PPIL2: variants seen among roughly 807,000 people sequenced by gnomAD.
PPIL2 encodes the protein peptidylprolyl isomerase like 2, also known as RING-type E3 ubiquitin-protein ligase PPIL2.
A neutral mutation model predicts 75.2 loss-of-function variants in PPIL2; 50 were observed. That is an observed-to-expected ratio of 0.66 (90% CI 0.53 to 0.84). The LOEUF is 0.84. Ranked by LOEUF, PPIL2 falls within the 40% of genes least tolerant of loss-of-function variation. PPIL2 has a pLI of 0.00. For synonymous variants in PPIL2, 245 were observed against 258.8 expected, an observed-to-expected ratio of 0.95 and a Z score of 0.51; for missense variants, 590 against 685.0, an observed-to-expected ratio of 0.86 and a Z score of 1.55.
At chr22:21,672,444 G>T in intron 5 of PPIL2, 63 bp downstream of exon 5, 1 of 1,495,134 alleles carries the variant, frequency 6.7e-7, no homozygotes, top group Non-Finnish European at 9.3e-7. Flanking sequence ...TTCTCCTTTT[G>T]TTCTGGTGGT....
Position 21,670,571 on chromosome 22 carries a change from C to G in PPIL2, c.88C>G (p.Pro30Ala). Residue 30 changes from proline (P) to alanine (A), a missense_variant, in exon 3 of 20, where the codon CCA (proline) becomes GCA (alanine). Transcript: ENST00000398831. ...TTTATTTCATTTTTAAACAGATCTC[C>G]CACAAACAAATTTTCGTCGTTTACC... ...HFYGGKKPDL[P>A]QTNFRRLPFD... 6.2e-7 allele frequency: 1 copy of G among 1,610,160 alleles called. No homozygotes were observed. Among genetic ancestry groups the G allele is most frequent in the Admixed American group, 1.7e-5 (1 of 59,988 alleles).
At chr22:21,671,153 G>A in intron 4 of PPIL2, 94 bp downstream of exon 4, 1 of 1,271,042 alleles carries the variant, frequency 7.9e-7, no homozygotes, top group South Asian at 1.2e-5. Flanking sequence ...AGGGCTCTTG[G>A]GCACACAGAA....
chr22:21,686,213 C>A (rs1255866150), intron 10 of PPIL2, among the ~76,000 whole-genome samples: 1 of 152,218 alleles, frequency 6.6e-6, no homozygotes. Flanking sequence ...ACACTCCTAA[C>A]CCTGAGGTGG....
At chr22:21,688,895 A>G (rs753399394) in intron 15 of PPIL2, 46 bp downstream of exon 15, 2 of 1,544,154 alleles carry the variant, frequency 1.3e-6, no homozygotes, top group Non-Finnish European at 1.8e-6. Flanking sequence ...GTGAGCCGGC[A>G]CTCTCTGCGG....
chr22:21,666,284 A>G (rs938694596), intron 1 of PPIL2, among the ~76,000 whole-genome samples, 153 bp downstream of exon 1: 2 of 152,050 alleles, frequency 1.3e-5, no homozygotes, highest in Non-Finnish European at 2.9e-5. Flanking sequence ...GTCTCCAGTC[A>G]GGGTAATGAC....
chr22:21,681,212 T>C (rs896347380), intron 6 of PPIL2, 87 bp from the exon 7 acceptor site: 18 of 1,109,346 alleles, frequency 1.6e-5, no homozygotes, highest in Non-Finnish European at 1.8e-5. Context: ...TTTGGAGTTC[T>C]GTCCTGCCCT....
intron 14 of PPIL2, 22 bp from the exon 15 acceptor site, chr22:21,688,710 C>G: frequency 6.2e-7 from 1 of 1,608,288 alleles, no homozygotes; most frequent in Non-Finnish European, 8.5e-7. Flanking sequence ...CTTTCCTGCT[C>G]CCATGGGCCT....
chr22:21,682,549 C>T, intron 8 of PPIL2, 23 bp downstream of exon 8: 1 of 1,543,928 alleles, frequency 6.5e-7, no homozygotes, highest in Non-Finnish European at 8.8e-7. Flanking sequence ...TGCCTGCCTG[C>T]CCCAGCTGCC....
In PPIL2 at chr22:21,681,017, A is replaced by C. The variant is rs556263255; in HGVS notation, c.296-282A>C. ...GAGGGCCAACTTCAGTAGGAGGAGG[A>C]GGCTAGCATGGTGATCACCCAGGGG... On this transcript the variant is annotated intron_variant, in intron 6 of 19. Coordinates refer to ENST00000398831, the MANE Select transcript of PPIL2 (RefSeq NM_014337.4). 9.9e-5 allele frequency among the ~76,000 whole-genome samples: 15 copies of C among 152,132 alleles called. No homozygotes were observed. In the East Asian group the frequency reaches 2.3e-3, roughly 24 times the overall value.
In PPIL2 at chr22:21,695,016, A is replaced by C; in HGVS notation, c.1412A>C (p.Gln471Pro). 6.2e-7 allele frequency: 1 copy of C among 1,613,306 alleles called. No individual in the cohort carries two copies. ...VKSSQPQAGS[Q>P]GPQTFRQGVG... ...AGCAGCCAGCCCCAGGCAGGGAGCC[A>C]GGGCCCCCAGACCTTCCGCCAGGGC... The change falls in exon 19 of 20, where the codon CAG (glutamine) becomes CCG (proline). Residue 471 changes from glutamine to proline, a missense_variant. By Grantham distance (76) the Gln-to-Pro change is moderately conservative (BLOSUM62 -1). Transcript: ENST00000398831.
chr22:21,686,869 T>A lies in PPIL2; in HGVS notation c.791-23T>A, dbSNP rs1569036830. 2.5e-6 allele frequency: 4 copies of A among 1,611,080 alleles called. No homozygotes were observed. The East Asian group carries it at 8.9e-5, about 36-fold the overall frequency. Reference sequence around the variant, plus strand: ...GCTGCCCCAGGGTGAGGGCAGGGGCTGAGCTGGGACCTTGGCTTGTAGCTG... The same window carrying A: ...GCTGCCCCAGGGTGAGGGCAGGGGCAGAGCTGGGACCTTGGCTTGTAGCTG... On this transcript the variant is annotated intron_variant, in intron 11 of 19. Transcript: ENST00000398831.
rs547030894 is a variant in PPIL2, at chr22:21,684,465, A to AG, written c.554-288_554-287insG. Among the ~76,000 whole-genome samples, 368 of 149,982 alleles carry AG rather than the reference A, an allele frequency of 2.5e-3. 2 individuals are homozygous for AG. The highest frequency in any genetic ancestry group is 3.9e-3 in the Non-Finnish European group (265 of 67,542). ...AGACTCCATCTCCACAAAAAAAAAA[A>AG]AAAAAAAAAAGAAAAAAAAAGCAAA... is the stretch of plus-strand genomic sequence containing the variant. On this transcript the variant is annotated intron_variant, in intron 9 of 19. Transcript: ENST00000398831.
chr22:21,695,080 G>T lies in PPIL2; in HGVS notation c.1466+10G>T, dbSNP rs861820. On this transcript the variant is annotated intron_variant, in intron 19 of 19. Coordinates refer to ENST00000398831, the MANE Select transcript of PPIL2 (RefSeq NM_014337.4). ...TCAACCCAGCAGCCACGTGAGTGCC[G>T]CGGGGCTGGCCTCCCTGTTTCCCAT... is the stretch of plus-strand genomic sequence containing the variant. 235,293 of 1,593,052 alleles carry T rather than the reference G, an allele frequency of 0.15. 19,083 individuals are homozygous for T. Among genetic ancestry groups the T allele is most frequent in the Non-Finnish European group, 0.17 (194,139 of 1,174,250 alleles).
At chr22:21,672,836 C>G (rs1448043559) in intron 5 of PPIL2, among the ~76,000 whole-genome samples, 1 of 152,144 alleles carries the variant, frequency 6.6e-6, no homozygotes, top group Non-Finnish European at 1.5e-5. Flanking sequence ...GGCAAGAGCT[C>G]AAACTGTGCG....
At chr22:21,682,862 C>G (rs919458503) in intron 8 of PPIL2, among the ~76,000 whole-genome samples, 14 of 152,254 alleles carry the variant, frequency 9.2e-5, no homozygotes, top group African/African-American at 3.4e-4. Context: ...CCATTCTAAC[C>G]AGAGGTCGGC....
rs186516931 is a variant in PPIL2, at chr22:21,692,367, G to A, written c.1140-1449G>A. ...GATGGGGTTTCACCGTGTTAGCGAG[G>A]ATGGTCTCGATCTCCTGACCTTGTG... On this transcript the variant is annotated intron_variant, in intron 15 of 19. Transcript: ENST00000398831. Among the ~76,000 whole-genome samples, 1,125 of 151,344 alleles carry A rather than the reference G, an allele frequency of 7.4e-3. 14 individuals carry two copies. Among genetic ancestry groups the A allele is most frequent in the African/African-American group, 0.024 (979 of 41,380 alleles).
At chr22:21,691,436 T>C (rs1221486775) in intron 15 of PPIL2, among the ~76,000 whole-genome samples, 2 of 152,064 alleles carry the variant, frequency 1.3e-5, no homozygotes, top group Non-Finnish European at 2.9e-5. Flanking sequence ...ATCCCAGCAC[T>C]TTGGGAGGCC....
At chr22:21,686,742 TG>T in intron 11 of PPIL2, 149 bp from the exon 12 acceptor site, 1 of 994,086 alleles carries the variant, frequency 1.0e-6, no homozygotes, top group Non-Finnish European at 1.5e-6. Context: ...AGCCTGTGCG[TG>T]GCCTAAGCAG....
intron 15 of PPIL2, 88 bp downstream of exon 15, chr22:21,688,937 G>C: frequency 7.9e-7 from 1 of 1,265,950 alleles, no homozygotes; most frequent in South Asian, 1.3e-5. Context: ...TGAAGGGTGT[G>C]CTGGTTCTGA....
Sources: allele counts gnomAD v4.1 joint callset (sites outside exome capture counted in the v4.1 genomes callset), GRCh38; gene constraint gnomAD v4.1.1; transcripts MANE v1.5; gene names NCBI Gene and HGNC (gene_info 2026-07-23, HGNC 2026-07-21).